RHPN2: variants seen among roughly 807,000 people sequenced by gnomAD.
The protein encoded by RHPN2 is rhophilin Rho GTPase binding protein 2, also known as rhophilin-2.
A neutral mutation model predicts 79.0 loss-of-function variants in RHPN2; 40 were observed. The ratio of observed to expected loss-of-function variants is 0.51; its 90% CI spans 0.39 to 0.66. The LOEUF (loss-of-function observed/expected upper bound fraction) is 0.66, where lower values mean the gene tolerates loss of function less well. Among genes scored for constraint, RHPN2 ranks in the 30% least tolerant of loss-of-function variants. The pLI, the probability that RHPN2 is intolerant of heterozygous loss-of-function variation, is 0.00. For missense variants in RHPN2, 686 were observed against 883.5 expected (o/e 0.78, Z 2.83); for synonymous variants, 285 against 363.5 (o/e 0.78, Z 2.46).
intron 3 of RHPN2, 118 bp downstream of exon 3, chr19:33,026,386 A>T: frequency 7.3e-7 from 1 of 1,361,654 alleles, no homozygotes; most frequent in Non-Finnish European, 1.0e-6. Context: ...CTCACTTCCG[A>T]AAGTGGGGGC....
chr19:33,002,109 T>C (rs994318186), intron 9 of RHPN2, 138 bp downstream of exon 9: 1 of 1,081,474 alleles, frequency 9.2e-7, no homozygotes, highest in Admixed American at 2.0e-5. Context: ...GCTGCCTCAG[T>C]CATGGGTCAC....
intron 10 of RHPN2, among the ~76,000 whole-genome samples, chr19:32,998,596 G>A (rs1280158629): frequency 6.6e-6 from 1 of 151,894 alleles, no homozygotes; most frequent in Non-Finnish European, 1.5e-5. Flanking sequence ...GCACTGAGCT[G>A]TGATTGCACT....
chr19:33,054,236 C>T (rs1443437493), intron 1 of RHPN2, among the ~76,000 whole-genome samples: 1 of 138,434 alleles, frequency 7.2e-6, no homozygotes, highest in Non-Finnish European at 1.5e-5. Flanking sequence ...CTTGCTCTGT[C>T]ACCCAGCAGG....
intron 10 of RHPN2, among the ~76,000 whole-genome samples, chr19:32,998,970 G>A (rs560373807): frequency 8.5e-6 from 1 of 117,010 alleles, no homozygotes; most frequent in East Asian, 2.9e-4. Context: ...GGAGGGGAAG[G>A]GAGGGGAACA....
At chr19:32,995,645 G>T (rs1971694422) in intron 11 of RHPN2, among the ~76,000 whole-genome samples, 1 of 152,056 alleles carries the variant, frequency 6.6e-6, no homozygotes, top group Non-Finnish European at 1.5e-5. Flanking sequence ...GATCACTTGA[G>T]GTCAGGAGTT....
At position 32,991,938 on chromosome 19, in the gene RHPN2, C is replaced by T. The variant is rs750379907; in HGVS notation, c.1529G>A (p.Arg510Gln). The T allele has an allele frequency of 4.9e-5, 79 of 1,613,830 alleles. No homozygotes were observed. Among genetic ancestry groups the T allele is most frequent in the South Asian group, 1.2e-4 (11 of 91,082 alleles). The change falls in exon 13 of 15, where the codon CGG becomes CAG. Residue 510 changes from arginine (R) to glutamine (Q), a missense_variant. Coordinates refer to ENST00000254260, the MANE Select transcript of RHPN2 (RefSeq NM_033103.5). ...GCGGATGCTTCGAGGAGGCGTCCAC[C>T]GCTTGTTAGCCGAAAACACAGATAA... ...GPLSVFSANK[R>Q]WTPPRSIRFT...
intron 2 of RHPN2, among the ~76,000 whole-genome samples, chr19:33,043,713 G>A (rs1599832129): frequency 6.6e-6 from 1 of 152,104 alleles, no homozygotes; most frequent in African/African-American, 2.4e-5. Context: ...CACAGGTAAG[G>A]CTTCTCTGAG....
chr19:32,993,154 T>C (rs1971674550), intron 12 of RHPN2, among the ~76,000 whole-genome samples: 2 of 151,520 alleles, frequency 1.3e-5, no homozygotes, highest in South Asian at 4.2e-4. Flanking sequence ...AAATTTTAAA[T>C]AGACAATACC....
intron 1 of RHPN2, among the ~76,000 whole-genome samples, chr19:33,058,653 G>A (rs573311726): frequency 9.2e-5 from 14 of 152,006 alleles, no homozygotes; most frequent in Non-Finnish European, 1.9e-4. Flanking sequence ...GGTGGCACGC[G>A]CCTGTAGTCC....
At chr19:33,041,338 C>T (rs780773008) in intron 2 of RHPN2, among the ~76,000 whole-genome samples, 3 of 152,192 alleles carry the variant, frequency 2.0e-5, no homozygotes, top group Admixed American at 6.6e-5. Flanking sequence ...CGTAATGGGT[C>T]GCCCAGGGAC....
Position 32,980,346 on chromosome 19 carries a change from A to G in RHPN2, c.1801-90T>C. ...AGTTTGGCCAGGCGCGGTGGCTCAC[A>G]CCTGTAATCCCAACAGTTTGGGAGG... is the stretch of plus-strand genomic sequence containing the variant. On this transcript the variant is annotated intron_variant, in intron 14 of 14. Coordinates refer to ENST00000254260, the MANE Select transcript of RHPN2 (RefSeq NM_033103.5). The G allele has an allele frequency of 3.4e-6, 5 of 1,468,064 alleles. No homozygotes were observed. The Admixed American group carries it at 6.7e-5, about 20-fold the overall frequency. 90.9% of individuals were successfully genotyped at this position (1,468,064 alleles called of 1,614,324 possible). A position where few individuals can be genotyped will look rare whatever the true frequency, so the allele number is the denominator to read the frequency against.
At chr19:33,011,051 T>C (rs957308222) in intron 6 of RHPN2, among the ~76,000 whole-genome samples, 1 of 152,182 alleles carries the variant, frequency 6.6e-6, no homozygotes, top group African/African-American at 2.4e-5. Context: ...CACCCTGACG[T>C]GCCTGATCTT....
At chr19:32,992,279 C>G in intron 12 of RHPN2, 1 of 319,060 alleles carries the variant, frequency 3.1e-6, no homozygotes, top group South Asian at 3.0e-5. Flanking sequence ...TCTCGGCTCA[C>G]TGCAGCCTCT....
chr19:32,991,959 G>C lies in RHPN2; in HGVS notation c.1508C>G (p.Ser503Cys). The C allele has an allele frequency of 6.2e-7, 1 of 1,613,962 alleles. No individual in the cohort carries two copies. The highest frequency in any genetic ancestry group is 8.5e-7 in the Non-Finnish European group (1 of 1,179,864). ...TDFFQKLGPL[S>C]VFSANKRWTP... ...CCACCGCTTGTTAGCCGAAAACACAGATAAGGGGCCCTTTGGAAGAGAGCA... is the reference window on the plus strand; with the variant it reads ...CCACCGCTTGTTAGCCGAAAACACACATAAGGGGCCCTTTGGAAGAGAGCA... Residue 503 changes from serine (S) to cysteine (C), a missense_variant, in exon 13 of 15, where the codon TCT becomes TGT. Coordinates refer to ENST00000254260, the MANE Select transcript of RHPN2 (RefSeq NM_033103.5).
At chr19:33,057,279 G>T (rs2145273114) in intron 1 of RHPN2, among the ~76,000 whole-genome samples, 1 of 150,924 alleles carries the variant, frequency 6.6e-6, no homozygotes, top group East Asian at 2.0e-4. Flanking sequence ...GGAGGTTGAG[G>T]CTGCAGTGAG....
chr19:33,060,326 T>C (rs777469970), intron 1 of RHPN2, among the ~76,000 whole-genome samples: 2 of 152,112 alleles, frequency 1.3e-5, no homozygotes, highest in African/African-American at 2.4e-5. Context: ...GCAGGCATTT[T>C]GGATTCTCAT....
At chr19:33,029,301 C>T (rs997101066) in intron 2 of RHPN2, among the ~76,000 whole-genome samples, 32 of 151,818 alleles carry the variant, frequency 2.1e-4, no homozygotes, top group African/African-American at 7.0e-4. Context: ...CCGAGACGGA[C>T]GGATCACGAG....
intron 1 of RHPN2, among the ~76,000 whole-genome samples, chr19:33,055,748 A>C (rs1382493372): frequency 7.0e-6 from 1 of 141,972 alleles, no homozygotes; most frequent in Non-Finnish European, 1.5e-5. Context: ...AAAAAAAAAA[A>C]CAACAACAAA....
At chr19:33,012,517 G>A in intron 5 of RHPN2, 130 bp downstream of exon 5, 1 of 754,386 alleles carries the variant, frequency 1.3e-6, no homozygotes, top group Middle Eastern at 3.6e-4. Flanking sequence ...TGGAATGGAT[G>A]ATTCCAGCAC....
Sources: allele counts gnomAD v4.1 joint callset (sites outside exome capture counted in the v4.1 genomes callset), GRCh38; gene constraint gnomAD v4.1.1; transcripts MANE v1.5; gene names NCBI Gene and HGNC (gene_info 2026-07-23, HGNC 2026-07-21).